Variants in ANO6 observed in about 807,000 individuals in gnomAD.
The protein encoded by ANO6 is anoctamin-6.
ANO6 carries 106 observed loss-of-function variants against 117.5 expected under a neutral mutation model. That is an observed-to-expected ratio of 0.90 (90% CI 0.77 to 1.06). ANO6 has a LOEUF of 1.06. Among genes scored for constraint, ANO6 ranks in the 50% least tolerant of loss-of-function variants. The pLI, the probability that ANO6 is intolerant of heterozygous loss-of-function variation, is 0.00. For synonymous variants in ANO6, 367 were observed against 385.1 expected, an observed-to-expected ratio of 0.95 and a Z score of 0.55; for missense variants, 955 against 1,121.1, an observed-to-expected ratio of 0.85 and a Z score of 2.12.
intron 1 of ANO6, among the ~76,000 whole-genome samples, chr12:45,243,443 G>A (rs1947776390): frequency 6.6e-6 from 1 of 152,202 alleles, no homozygotes. Context: ...GTCCACCCAT[G>A]ATAACCTGGA....
At chr12:45,425,328 A>T (rs560304854) in intron 19 of ANO6, among the ~76,000 whole-genome samples, 2 of 152,362 alleles carry the variant, frequency 1.3e-5, no homozygotes, top group South Asian at 4.1e-4. Flanking sequence ...ATATGGAAGA[A>T]TGAGAAATAC....
At chr12:45,370,603 A>G (rs1018403841) in intron 9 of ANO6, among the ~76,000 whole-genome samples, 2 of 152,236 alleles carry the variant, frequency 1.3e-5, no homozygotes, top group African/African-American at 4.8e-5. Flanking sequence ...CAGAATCTTC[A>G]ATAATAGTAT....
chr12:45,251,114 G>A (rs1215240832), intron 1 of ANO6, among the ~76,000 whole-genome samples: 2 of 152,106 alleles, frequency 1.3e-5, no homozygotes, highest in Non-Finnish European at 2.9e-5. Context: ...TAGTGAAAGT[G>A]GAGGTGAGAT....
chr12:45,245,919 T>C (rs1324229958), intron 1 of ANO6, among the ~76,000 whole-genome samples: 1 of 150,326 alleles, frequency 6.7e-6, no homozygotes, highest in Non-Finnish European at 1.5e-5. Context: ...TGGGTAGGAT[T>C]CCACATGTTA....
intron 1 of ANO6, among the ~76,000 whole-genome samples, chr12:45,266,355 A>C (rs1450838581): frequency 6.6e-6 from 1 of 152,216 alleles, no homozygotes; most frequent in African/African-American, 2.4e-5. Context: ...TTAGCCCTGG[A>C]TTACCATACT....
intron 1 of ANO6, among the ~76,000 whole-genome samples, chr12:45,231,387 C>T (rs762584115): frequency 6.6e-6 from 1 of 152,112 alleles, no homozygotes; most frequent in Non-Finnish European, 1.5e-5. Context: ...CAACCTATAA[C>T]CAAATGTTAG....
chr12:45,279,585 G>T (rs1325545360), intron 1 of ANO6, among the ~76,000 whole-genome samples: 1 of 152,132 alleles, frequency 6.6e-6, no homozygotes, highest in East Asian at 1.9e-4. Flanking sequence ...CCATTTCACC[G>T]TAATTCTTTT....
At chr12:45,410,338 A>G (rs142701563) in intron 16 of ANO6, among the ~76,000 whole-genome samples, 141 of 152,272 alleles carry the variant, frequency 9.3e-4, no homozygotes, top group African/African-American at 2.8e-3. Flanking sequence ...CATGGCTCAT[A>G]ACTGGCCTGA....
chr12:45,367,086 A>T (rs905933711), intron 8 of ANO6, among the ~76,000 whole-genome samples: 1 of 152,130 alleles, frequency 6.6e-6, no homozygotes, highest in African/African-American at 2.4e-5. Flanking sequence ...GGTTCAAGCA[A>T]TTCTCCTGCC....
chr12:45,358,502 C>T (rs1280824231), intron 8 of ANO6, among the ~76,000 whole-genome samples: 4 of 151,940 alleles, frequency 2.6e-5, no homozygotes, highest in Non-Finnish European at 5.9e-5. Flanking sequence ...AAATACATTT[C>T]AAAGTGCAGA....
chr12:45,328,879 A>C (rs1238408694), intron 2 of ANO6, among the ~76,000 whole-genome samples: 1 of 152,120 alleles, frequency 6.6e-6, no homozygotes, highest in Non-Finnish European at 1.5e-5. Context: ...GAATGTTTTG[A>C]TACTTACTTT....
chr12:45,402,684 A>G (rs1264103588), intron 13 of ANO6, among the ~76,000 whole-genome samples: 1 of 152,228 alleles, frequency 6.6e-6, no homozygotes, highest in Non-Finnish European at 1.5e-5. Flanking sequence ...GTTTTCTTCA[A>G]TAGACCTACC....
chr12:45,335,180 T>C (rs1270439631), intron 3 of ANO6, among the ~76,000 whole-genome samples: 1 of 152,048 alleles, frequency 6.6e-6, no homozygotes, highest in African/African-American at 2.4e-5. Context: ...AATTCTTTAG[T>C]GTATGGCAAA....
At chr12:45,290,486 C>T (rs1274800739) in intron 1 of ANO6, among the ~76,000 whole-genome samples, 1 of 152,190 alleles carries the variant, frequency 6.6e-6, no homozygotes, top group Non-Finnish European at 1.5e-5. Flanking sequence ...AACCAAGTTT[C>T]AGCTAAGCCA....
chr12:45,336,754 A>G (rs1940837296), intron 3 of ANO6, among the ~76,000 whole-genome samples: 1 of 152,110 alleles, frequency 6.6e-6, no homozygotes, highest in Non-Finnish European at 1.5e-5. Context: ...TATACTTTTT[A>G]TCATTATTTT....
chr12:45,348,134 T>C lies in ANO6; in HGVS notation c.452T>C (p.Leu151Pro). ...AAATTGCCTCTGAAACCCAATGATC[T>C]GAAAAACCGGTCCTCAGCCTTTGGT... ...HIKLPLKPND[L>P]KNRSSAFGTL... The change falls in exon 5 of 20, where the codon CTG becomes CCG. Residue 151 changes from leucine to proline, a missense_variant. Transcript: ENST00000320560. The C allele has an allele frequency of 6.2e-7, 1 of 1,614,122 alleles. No homozygotes were observed. The highest frequency in any genetic ancestry group is 8.5e-7 in the Non-Finnish European group (1 of 1,180,000).
chr12:45,333,352 G>A (rs534892163), intron 3 of ANO6, among the ~76,000 whole-genome samples: 3 of 152,096 alleles, frequency 2.0e-5, no homozygotes, highest in South Asian at 4.1e-4. Context: ...GATATTTTAT[G>A]CAGTCATAGT....
At chr12:45,381,254 G>A (rs2137555350) in intron 10 of ANO6, among the ~76,000 whole-genome samples, 1 of 152,348 alleles carries the variant, frequency 6.6e-6, no homozygotes, top group Middle Eastern at 3.4e-3. Context: ...AAGAGGAAGA[G>A]CTGTTATTGA....
At chr12:45,323,683 A>G (rs1026324976) in intron 2 of ANO6, among the ~76,000 whole-genome samples, 9 of 152,166 alleles carry the variant, frequency 5.9e-5, no homozygotes, top group East Asian at 1.9e-4. Context: ...AAGAGATACA[A>G]TATACACACA....
Sources: gnomAD v4.1 joint callset for allele counts (sites outside exome capture counted in the v4.1 genomes callset) on GRCh38, gnomAD v4.1.1 for gene constraint, MANE v1.5 for transcripts, NCBI Gene and HGNC (gene_info 2026-07-23, HGNC 2026-07-21) for gene names.